The following GPHN variants were observed in gnomAD, a reference collection of about 807,000 sequenced individuals.
GPHN encodes the protein gephyrin.
In GPHN, 17 loss-of-function variants were observed where a neutral mutation model predicts 95.5. The observed-to-expected ratio is 0.18, with a 90% confidence interval of 0.12 to 0.27. The LOEUF is 0.27. Among genes scored for constraint, GPHN ranks in the 10% least tolerant of loss-of-function variants. The pLI is 1.00. For synonymous variants in GPHN, 320 were observed against 322.5 expected (o/e 0.99, Z 0.08); for missense variants, 660 against 978.1 (o/e 0.67, Z 4.34).
the GPHN span, among the ~76,000 whole-genome samples, chr14:67,369,427 C>G: frequency 1.8e-4 from 27 of 152,152 alleles, no homozygotes; most frequent in Admixed American, 1.8e-3. Context: ...GAAGTTTGAA[C>G]AAGCTCTGAA....
chr14:66,843,186 T>C (rs2062165435), intron 4 of GPHN, among the ~76,000 whole-genome samples: 1 of 152,142 alleles, frequency 6.6e-6, no homozygotes, highest in Non-Finnish European at 1.5e-5. Flanking sequence ...ATGATTTGCA[T>C]TCTTCACTCA....
the GPHN span, among the ~76,000 whole-genome samples, chr14:67,318,326 T>G: frequency 6.9e-6 from 1 of 144,516 alleles, no homozygotes; most frequent in African/African-American, 2.7e-5. Context: ...TAATAAATTT[T>G]TTTCTAAAAT....
At chr14:66,577,990 GA>G (rs1337041683) in intron 1 of GPHN, among the ~76,000 whole-genome samples, 1 of 151,904 alleles carries the variant, frequency 6.6e-6, no homozygotes, top group African/African-American at 2.4e-5. Context: ...AAGGAAGAGT[GA>G]ATCTCTGACT....
intron 18 of GPHN, among the ~76,000 whole-genome samples, chr14:67,144,272 T>TACACACATATATATACATAC (rs1567400961): frequency 8.3e-6 from 1 of 120,468 alleles, no homozygotes; most frequent in African/African-American, 3.6e-5. Flanking sequence ...TATATATATA[T>TACACACATATATATACATAC]ATATATATAT....
chr14:66,520,334 T>C (rs1021935400), intron 1 of GPHN, among the ~76,000 whole-genome samples: 4 of 152,188 alleles, frequency 2.6e-5, no homozygotes, highest in African/African-American at 4.8e-5. Flanking sequence ...TCATTGGGTA[T>C]TAGCTTTTTA....
At chr14:67,719,375 G>A in the GPHN span, among the ~76,000 whole-genome samples, 2 of 152,210 alleles carry the variant, frequency 1.3e-5, no homozygotes, top group African/African-American at 2.4e-5. Context: ...CAGGATGTAA[G>A]CCATCAGTCT....
chr14:67,113,129 T>G lies in GPHN; in HGVS notation c.1584T>G (p.Val528=), dbSNP rs1382914637. 6.2e-7 allele frequency: 1 copy of G among 1,613,814 alleles called. No homozygotes were observed. Among genetic ancestry groups the G allele is most frequent in the African/African-American group, 1.3e-5 (1 of 74,916 alleles). The change falls in exon 16 of 23, where the codon GTT becomes GTG. Residue 528 remains valine, a synonymous_variant. Transcript: ENST00000478722. ...CTGTAGGTGTCACAGAGGTTGAAGT[T>G]AATAAGTTTCCAGTGGTTGCAGTCA... is the stretch of plus-strand genomic sequence containing the variant. ...LATVGVTEVE[V]NKFPVVAVMS... is the part of the protein sequence containing the mutation.
At chr14:66,798,656 T>C (rs2060240209) in intron 3 of GPHN, among the ~76,000 whole-genome samples, 1 of 151,916 alleles carries the variant, frequency 6.6e-6, no homozygotes, top group Non-Finnish European at 1.5e-5. Context: ...AATTGTAATG[T>C]CACCTTTTTT....
At chr14:66,845,317 GATT>G (rs2062272778) in intron 4 of GPHN, among the ~76,000 whole-genome samples, 1 of 152,042 alleles carries the variant, frequency 6.6e-6, no homozygotes, top group South Asian at 2.1e-4. Context: ...TAATATGAAA[GATT>G]AATAAGTCCA....
chr14:67,608,128 C>CAGCT, the GPHN span, among the ~76,000 whole-genome samples: 1 of 151,946 alleles, frequency 6.6e-6, no homozygotes, highest in Non-Finnish European at 1.5e-5. Flanking sequence ...CCTACTGTCC[C>CAGCT]AGCTACACGG....
the GPHN span, among the ~76,000 whole-genome samples, chr14:67,687,344 A>C: frequency 2.6e-4 from 39 of 152,148 alleles, no homozygotes; most frequent in Non-Finnish European, 5.7e-4. Flanking sequence ...GTCTCAGCTC[A>C]GATCTTTATT....
chr14:67,093,807 A>G (rs147424426), intron 12 of GPHN, among the ~76,000 whole-genome samples: 453 of 152,260 alleles, frequency 3.0e-3, no homozygotes, highest in African/African-American at 0.011. Context: ...TGCAGCAAGT[A>G]TGAATCCTCT....
intron 18 of GPHN, among the ~76,000 whole-genome samples, chr14:67,150,453 C>CAAAAAAAAAAAAAA (rs1164806975): frequency 1.2e-3 from 119 of 97,970 alleles, no homozygotes; most frequent in East Asian, 2.7e-3. Flanking sequence ...AAAAAAAAAA[C>CAAAAAAAAAAAAAA]AAAAAAAAAA....
intron 11 of GPHN, among the ~76,000 whole-genome samples, chr14:67,068,262 G>T (rs1327108045): frequency 6.6e-6 from 1 of 152,154 alleles, no homozygotes; most frequent in Non-Finnish European, 1.5e-5. Flanking sequence ...CATGTATAAA[G>T]TGTTTTCTGT....
rs1445962106 is a variant in GPHN at position 66,887,365 on chromosome 14, G to A, written c.389+7332G>A. On this transcript the variant is annotated intron_variant, in intron 5 of 22. Transcript: ENST00000478722. ...AGTGCTTTGGGAGGCCAAGGCAGGTGGATCATGAAGTCAGGAGATTGAGAC... is the reference window on the plus strand; with the variant it reads ...AGTGCTTTGGGAGGCCAAGGCAGGTAGATCATGAAGTCAGGAGATTGAGAC... 3.3e-5 allele frequency among the ~76,000 whole-genome samples: 5 copies of A among 152,116 alleles called. No individual in the cohort carries two copies. In the South Asian group the frequency reaches 8.3e-4, roughly 25 times the overall value.
chr14:67,699,617 CAG>C, the GPHN span, among the ~76,000 whole-genome samples: 2 of 116,162 alleles, frequency 1.7e-5, no homozygotes, highest in South Asian at 5.3e-4. Flanking sequence ...AAAAAAGAAA[CAG>C]AGAGAGAAAG....
chr14:66,847,210 A>G (rs1272085123), intron 4 of GPHN, among the ~76,000 whole-genome samples: 2 of 152,146 alleles, frequency 1.3e-5, no homozygotes, highest in Non-Finnish European at 2.9e-5. Flanking sequence ...TGTCATGTTG[A>G]GAAAAGCACA....
At chr14:67,347,766 C>G in the GPHN span, among the ~76,000 whole-genome samples, 3 of 152,162 alleles carry the variant, frequency 2.0e-5, no homozygotes, top group African/African-American at 7.2e-5. Flanking sequence ...TCCCAAAGTG[C>G]TGGGATTACA....
intron 10 of GPHN, 99 bp downstream of exon 10, chr14:67,023,774 T>A: frequency 3.2e-6 from 3 of 931,460 alleles, no homozygotes; most frequent in South Asian, 2.7e-5. Flanking sequence ...ATGGGGAATA[T>A]TTATGTGACA....
Sources: gnomAD v4.1 joint callset for allele counts (sites outside exome capture counted in the v4.1 genomes callset) on GRCh38, gnomAD v4.1.1 for gene constraint, MANE v1.5 for transcripts, NCBI Gene and HGNC (gene_info 2026-07-23, HGNC 2026-07-21) for gene names.